FRMD3: variants seen among roughly 807,000 people sequenced by gnomAD.
The protein encoded by FRMD3 is FERM domain containing 3, also known as FERM domain-containing protein 3.
FRMD3 carries 33 observed loss-of-function variants against 70.2 expected under a neutral mutation model. The observed-to-expected ratio is 0.47, with a 90% confidence interval of 0.36 to 0.63. The LOEUF (loss-of-function observed/expected upper bound fraction) is 0.63, where lower values mean the gene tolerates loss of function less well. Ranked by LOEUF, FRMD3 falls within the 20% of genes least tolerant of loss-of-function variation. FRMD3 has a pLI of 0.00. For missense variants in FRMD3, 632 were observed against 711.4 expected (o/e 0.89, Z 1.27); for synonymous variants, 279 against 255.9 (o/e 1.09, Z -0.86).
intron 1 of FRMD3, among the ~76,000 whole-genome samples, chr9:83,404,837 G>C (rs1826053923): frequency 6.6e-6 from 1 of 152,168 alleles, no homozygotes; most frequent in South Asian, 2.1e-4. Context: ...GCGTTTTCTA[G>C]CTTTCCTACA....
intron 1 of FRMD3, among the ~76,000 whole-genome samples, chr9:83,507,088 C>T (rs1746600691): frequency 6.6e-6 from 1 of 152,146 alleles, no homozygotes; most frequent in Admixed American, 6.6e-5. Flanking sequence ...CGACCAGGTG[C>T]AGTGGCTCAC....
intron 1 of FRMD3, among the ~76,000 whole-genome samples, chr9:83,477,101 T>G (rs1254421700): frequency 6.6e-6 from 1 of 152,178 alleles, no homozygotes; most frequent in African/African-American, 2.4e-5. Flanking sequence ...CACAGTATGG[T>G]GCAGCAGCAA....
chr9:83,296,783 G>A (rs540490379), intron 12 of FRMD3, among the ~76,000 whole-genome samples: 2 of 152,312 alleles, frequency 1.3e-5, no homozygotes, highest in African/African-American at 4.8e-5. Flanking sequence ...CTGGGGTTCA[G>A]TCTACTCCAA....
At chr9:83,347,793 A>G (rs531117014) in intron 4 of FRMD3, among the ~76,000 whole-genome samples, 4 of 152,320 alleles carry the variant, frequency 2.6e-5, no homozygotes, top group South Asian at 2.1e-4. Context: ...AATTCAAACC[A>G]TAAGTACCTG....
At chr9:83,506,126 T>C (rs1017531016) in intron 1 of FRMD3, among the ~76,000 whole-genome samples, 3 of 152,188 alleles carry the variant, frequency 2.0e-5, no homozygotes, top group Non-Finnish European at 2.9e-5. Context: ...TTCTCACACA[T>C]TTGCAGTTAT....
At chr9:83,269,285 A>ATGTCCTTCCT in intron 13 of FRMD3, among the ~76,000 whole-genome samples, 1 of 152,364 alleles carries the variant, frequency 6.6e-6, no homozygotes, top group South Asian at 2.1e-4. Context: ...CTTGAAACAA[A>ATGTCCTTCCT]CAGACCTTCC....
chr9:83,244,747 C>T lies in FRMD3; in HGVS notation c.*3171G>A. On this transcript the variant is annotated 3_prime_UTR_variant, in exon 14 of 14. Coordinates refer to ENST00000304195, the MANE Select transcript of FRMD3 (RefSeq NM_174938.6). ...TAAGGCTCCAATCACAGTAACATGG[C>T]CCCCATATCTCTAGTATTTCAATGA... is the stretch of plus-strand genomic sequence containing the variant. 2.0e-6 allele frequency: 2 copies of T among 985,040 alleles called. No individual in the cohort carries two copies. Among genetic ancestry groups the T allele is most frequent in the Non-Finnish European group, 2.4e-6 (2 of 829,626 alleles). 61.0% of individuals were successfully genotyped at this position (985,040 alleles called of 1,614,324 possible).
At chr9:83,316,385 G>C (rs112251807) in intron 6 of FRMD3, among the ~76,000 whole-genome samples, 2,153 of 152,128 alleles carry the variant, frequency 0.014, 50 homozygotes, top group African/African-American at 0.047. Context: ...TTGAAGTCCT[G>C]ATCTCAAGCA....
At chr9:83,512,600 C>T (rs1829362850) in intron 1 of FRMD3, among the ~76,000 whole-genome samples, 2 of 152,188 alleles carry the variant, frequency 1.3e-5, no homozygotes, top group African/African-American at 4.8e-5. Context: ...GCATATACCC[C>T]TAGCCCACTT....
In FRMD3 at chr9:83,538,004, T is replaced by C. The variant is rs1829936729; in HGVS notation, c.147+81A>G. The C allele has an allele frequency of 6.6e-7, 1 of 1,510,048 alleles. No homozygotes were observed. The highest frequency in any genetic ancestry group is 1.4e-5 in the African/African-American group (1 of 72,712). 93.5% of individuals were successfully genotyped at this position (1,510,048 alleles called of 1,614,324 possible). A position where few individuals can be genotyped will look rare whatever the true frequency, so the allele number is the denominator to read the frequency against. ...CCAATCCCCTCCGGGAGTGGGTTCC[T>C]TGTTCTCGCATGCCCACCGCAAAGG... On this transcript the variant is annotated intron_variant, in intron 1 of 13. Transcript: ENST00000304195. This position sits in a 1 kb window ranked among gnomAD's most constrained non-coding sequence, Gnocchi z 4.7.
intron 3 of FRMD3, among the ~76,000 whole-genome samples, chr9:83,367,659 GC>G (rs1824832931): frequency 6.6e-6 from 1 of 152,218 alleles, no homozygotes; most frequent in South Asian, 2.1e-4. Context: ...AAAAGGAAGT[GC>G]TGGCTGCAAC....
intron 13 of FRMD3, among the ~76,000 whole-genome samples, chr9:83,251,145 C>T (rs1338591476): frequency 6.6e-6 from 1 of 152,180 alleles, no homozygotes; most frequent in Non-Finnish European, 1.5e-5. Context: ...TGGGATGGAG[C>T]TTCCAGTGGA....
chr9:83,508,408 G>A (rs1471205792), intron 1 of FRMD3, among the ~76,000 whole-genome samples: 1 of 152,126 alleles, frequency 6.6e-6, no homozygotes, highest in Admixed American at 6.5e-5. Context: ...ATACTTTACT[G>A]TATGCACATC....
At chr9:83,394,066 C>A (rs1825747411) in intron 1 of FRMD3, among the ~76,000 whole-genome samples, 2 of 151,834 alleles carry the variant, frequency 1.3e-5, no homozygotes, top group Non-Finnish European at 2.9e-5. Flanking sequence ...TGCCACCAGG[C>A]TTGGGGGTTC....
intron 13 of FRMD3, among the ~76,000 whole-genome samples, chr9:83,275,435 C>T (rs1833763575): frequency 6.6e-6 from 1 of 152,182 alleles, no homozygotes; most frequent in South Asian, 2.1e-4. Flanking sequence ...AAAAATAAAA[C>T]AATGACCATG....
intron 1 of FRMD3, among the ~76,000 whole-genome samples, chr9:83,477,174 C>A (rs1310028808): frequency 2.0e-5 from 3 of 152,148 alleles, no homozygotes; most frequent in African/African-American, 7.2e-5. Context: ...ACATTACAAC[C>A]CATAGATGTT....
In FRMD3 at chr9:83,246,600, C is replaced by T. The variant is rs149654125; in HGVS notation, c.*1318G>A. 12 of 984,608 alleles carry T rather than the reference C, an allele frequency of 1.2e-5. No individual in the cohort carries two copies. Among genetic ancestry groups the T allele is most frequent in the East Asian group, 1.2e-4 (1 of 8,688 alleles). The allele number at this position is 984,608 out of a possible 1,614,324, so 61.0% of individuals were successfully genotyped here. On this transcript the variant is annotated 3_prime_UTR_variant, in exon 14 of 14. Coordinates refer to ENST00000304195, the MANE Select transcript of FRMD3 (RefSeq NM_174938.6). The stretch of plus-strand genomic sequence containing the variant: ...GAAAGGAAAGGAGTATAATGACCAC[C>T]GCAAAACATGATCATGGACATGTAT...
intron 1 of FRMD3, among the ~76,000 whole-genome samples, chr9:83,483,701 A>C (rs1374627319): frequency 6.6e-6 from 1 of 152,162 alleles, no homozygotes. Flanking sequence ...ACTACAAAAA[A>C]TTAGAAAAAT....
chr9:83,393,946 G>T (rs1334230206), intron 1 of FRMD3, among the ~76,000 whole-genome samples: 3 of 147,362 alleles, frequency 2.0e-5, no homozygotes, highest in Admixed American at 6.7e-5. Flanking sequence ...TTTTGTTGTT[G>T]TTGTTTTTTT....
Sources: gnomAD v4.1 joint callset for allele counts (sites outside exome capture counted in the v4.1 genomes callset) on GRCh38, gnomAD v4.1.1 for gene constraint, Gnocchi (gnomAD v3.1) non-coding constraint, MANE v1.5 for transcripts, NCBI Gene and HGNC (gene_info 2026-07-23, HGNC 2026-07-21) for gene names.